Variants in ZNF682 observed in about 807,000 individuals in gnomAD.
ZNF682 encodes zinc finger protein 682.
Under a neutral mutation model 36.5 loss-of-function variants are expected in ZNF682, and 29 were observed. The observed-to-expected ratio is 0.80, with a 90% CI of 0.59 to 1.08. The LOEUF (loss-of-function observed/expected upper bound fraction) is 1.08, where lower values mean the gene tolerates loss of function less well. ZNF682 is among the 50% of genes least tolerant of loss of function. The probability of loss-of-function intolerance (pLI) is 0.00; values close to 1 mark genes in which losing one functional copy is unlikely to be tolerated. For synonymous variants in ZNF682, 180 were observed against 197.0 expected (o/e 0.91, Z 0.72); for missense variants, 561 against 579.7 (o/e 0.97, Z 0.33).
Position 19,997,663 on chromosome 19 carries a change from G to GT in ZNF682, c.227-401dup, listed in dbSNP as rs773856452. On this transcript the variant is annotated intron_variant, in intron 3 of 3. Transcript: ENST00000596019. Reference sequence around the variant, plus strand: ...CTGGATGAGGGGTTGTCCCTCATGAGTAAAGAGCACACCCCAAAAGGTGGA... The same window carrying GT: ...CTGGATGAGGGGTTGTCCCTCATGAGTTAAAGAGCACACCCCAAAAGGTGGA... Among the ~76,000 whole-genome samples the GT allele has an allele frequency of 1.1e-4, 17 of 152,344 alleles. No homozygotes were observed. In the East Asian group the frequency reaches 3.1e-3, roughly 28 times the overall value.
At chr19:20,015,256 T>C (rs2088325332) in intron 3 of ZNF682, 3 of 985,198 alleles carry the variant, frequency 3.0e-6, no homozygotes, top group Non-Finnish European at 3.6e-6. Context: ...ACAATTCTCA[T>C]GACTCCTCAT....
intron 3 of ZNF682, chr19:20,008,165 G>A (rs2088245876): frequency 6.6e-6 from 1 of 152,250 alleles, no homozygotes; most frequent in South Asian, 2.1e-4. Flanking sequence ...TGGGGTAGAA[G>A]CCCACACTGT....
At chr19:20,036,419 A>G (rs2088529555) in intron 1 of ZNF682, among the ~76,000 whole-genome samples, 2 of 151,844 alleles carry the variant, frequency 1.3e-5, no homozygotes. Context: ...AGCCTGGCCA[A>G]CATGGTGGAA....
chr19:19,998,817 T>C (rs1368289941), intron 3 of ZNF682, among the ~76,000 whole-genome samples: 1 of 152,016 alleles, frequency 6.6e-6, no homozygotes, highest in African/African-American at 2.4e-5. Context: ...GTTTGAGGAA[T>C]ACAGTACAGA....
At chr19:20,029,162 A>G (rs576367081) in intron 1 of ZNF682, among the ~76,000 whole-genome samples, 11 of 151,794 alleles carry the variant, frequency 7.2e-5, no homozygotes, top group African/African-American at 2.4e-4. Context: ...TATTTTTGGT[A>G]GAGATGGGGT....
chr19:20,034,548 G>A (rs983285516), intron 1 of ZNF682, among the ~76,000 whole-genome samples: 1 of 152,116 alleles, frequency 6.6e-6, no homozygotes, highest in Admixed American at 6.6e-5. Flanking sequence ...AGAGACCGAG[G>A]CGGACGGATC....
chr19:20,039,138 G>A (rs2088560893), intron 1 of ZNF682: 9 of 1,397,832 alleles, frequency 6.4e-6, no homozygotes, highest in African/African-American at 1.5e-5. Context: ...AGAACGGAAC[G>A]GGATGCCCGC....
chr19:20,015,016 C>T (rs2088323351), intron 3 of ZNF682, among the ~76,000 whole-genome samples: 1 of 152,094 alleles, frequency 6.6e-6, no homozygotes. Flanking sequence ...AAGATAAAAA[C>T]ATGTGGAGAT....
chr19:20,022,168 C>CA (rs1029656204), intron 3 of ZNF682, among the ~76,000 whole-genome samples: 1,549 of 60,784 alleles, frequency 0.025, 21 homozygotes, highest in African/African-American at 0.071. Context: ...AACTCCGTCG[C>CA]AAAAAAAAAA....
At chr19:20,019,148 C>T (rs1258350769) in intron 3 of ZNF682, among the ~76,000 whole-genome samples, 3 of 152,022 alleles carry the variant, frequency 2.0e-5, no homozygotes, top group African/African-American at 7.3e-5. Context: ...AAAGGATGCT[C>T]AAGATTGCTA....
rs566329465 is a variant in ZNF682 at position 20,011,754 on chromosome 19, G to C, written c.227-4479C>G. On this transcript the variant is annotated intron_variant, in intron 3 of 3. Coordinates refer to ENST00000397165, the MANE Select transcript of ZNF682 (RefSeq NM_033196.3). ...ATTTGAAACAAATAAAAATGGTGAC[G>C]AGGCCAGGCGTGGTGGCTCATGTCT... 3.3e-5 allele frequency among the ~76,000 whole-genome samples: 5 copies of C among 152,202 alleles called. No homozygotes were observed. In the East Asian group the frequency reaches 9.6e-4, roughly 29 times the overall value.
Position 20,023,061 on chromosome 19 carries a change from CCAGACGGCTAAT to C in ZNF682, c.157_168del (p.Ile53_Leu56del). On this transcript the variant is annotated inframe_deletion, in exon 3 of 4. Transcript: ENST00000397165. ...ACATTCCAGGGCTCCTGTCTTTGCT[CCAGACGGCTAAT>C]CAGTTCTGGCTTAGAAACAGTAAGA... The C allele has an allele frequency of 6.2e-7, 1 of 1,613,990 alleles. No homozygotes were observed. Among genetic ancestry groups the C allele is most frequent in the South Asian group, 1.1e-5 (1 of 91,054 alleles).
chr19:20,035,162 T>C (rs778361671), intron 1 of ZNF682, among the ~76,000 whole-genome samples: 2 of 152,244 alleles, frequency 1.3e-5, no homozygotes, highest in Non-Finnish European at 2.9e-5. Flanking sequence ...TTGGATTAAT[T>C]AATAAGCATA....
rs71172554 is a variant in ZNF682, at chr19:20,018,078, C to CTTTTTTTTT, written c.226+4917_226+4925dup. Among the ~76,000 whole-genome samples, 11 of 58,678 alleles carry CTTTTTTTTT rather than the reference C, an allele frequency of 1.9e-4. 1 individual carries two copies. The highest frequency in any genetic ancestry group is 1.3e-3 in the East Asian group (2 of 1,598). The allele number at this position is 58,678 out of a possible 152,430, so 38.5% of individuals were successfully genotyped here. On this transcript the variant is annotated intron_variant, in intron 3 of 3. Coordinates refer to ENST00000397165, the MANE Select transcript of ZNF682 (RefSeq NM_033196.3). ...GAAATATAGTTAAGATTCTCAAATTCTTTTTTTTTTTTTTTTTTTTTTTTT... is the reference window on the plus strand; with the variant it reads ...GAAATATAGTTAAGATTCTCAAATTCTTTTTTTTTTTTTTTTTTTTTTTTTTTTTTTTTT...
chr19:20,024,488 T>C (rs2088414988), intron 1 of ZNF682, 112 bp from the exon 2 acceptor site: 1 of 1,259,168 alleles, frequency 7.9e-7, no homozygotes, highest in Admixed American at 2.5e-5. Context: ...TTATTCAATC[T>C]GCTATTTTTA....
chr19:20,003,704 CAA>C (rs200490998), downstream of ZNF682, among the ~76,000 whole-genome samples: 19 of 98,432 alleles, frequency 1.9e-4, no homozygotes, highest in Admixed American at 3.1e-4. Flanking sequence ...GACTCCGTCT[CAA>C]AAAAAAAAAA....
At chr19:20,013,217 T>C (rs928275051) in intron 3 of ZNF682, among the ~76,000 whole-genome samples, 1 of 152,062 alleles carries the variant, frequency 6.6e-6, no homozygotes, top group African/African-American at 2.4e-5. Flanking sequence ...AAATATACTG[T>C]AGTCAAAATT....
intron 3 of ZNF682, among the ~76,000 whole-genome samples, chr19:20,021,369 A>G (rs2088382365): frequency 6.6e-6 from 1 of 152,142 alleles, no homozygotes; most frequent in African/African-American, 2.4e-5. Flanking sequence ...CTGTAATCCC[A>G]GCTACTTGGG....
In ZNF682 at chr19:20,006,305, A is replaced by C; in HGVS notation, c.1197T>G (p.Cys399Trp). The C allele has an allele frequency of 6.2e-7, 1 of 1,613,590 alleles. No individual in the cohort carries two copies. Among genetic ancestry groups the C allele is most frequent in the African/African-American group, 1.3e-5 (1 of 75,052 alleles). The part of the protein sequence containing the change: ...RIHTGEKPYK[C>W]EECGKAFNWS... ...AGTTAAAAGCTTTGCCACATTCTTC[A>C]CATTTGTAGGGTTTCTCTCCAGTGT... The change falls in exon 4 of 4, where the codon TGT (cysteine) becomes TGG (tryptophan). Residue 399 changes from cysteine (C) to tryptophan (W), a missense_variant. Coordinates refer to ENST00000397165, the MANE Select transcript of ZNF682 (RefSeq NM_033196.3).
Sources: allele counts gnomAD v4.1 joint callset (sites outside exome capture counted in the v4.1 genomes callset), GRCh38; gene constraint gnomAD v4.1.1; transcripts MANE v1.5; gene names NCBI Gene and HGNC (gene_info 2026-07-23, HGNC 2026-07-21).